HERC2: variants seen among roughly 807,000 people sequenced by gnomAD.
HERC2 encodes the protein E3 ubiquitin-protein ligase HERC2.
HERC2 carries 102 observed loss-of-function variants against 537.7 expected under a neutral mutation model. The ratio of observed to expected loss-of-function variants is 0.19; its 90% CI spans 0.16 to 0.22. The LOEUF is 0.22. HERC2 is among the 10% of genes least tolerant of loss of function. The probability of loss-of-function intolerance (pLI) is 1.00; values close to 1 mark genes in which losing one functional copy is unlikely to be tolerated. For missense variants in HERC2, 4,236 were observed against 6,198.2 expected, an observed-to-expected ratio of 0.68 and a Z score of 10.63; for synonymous variants, 2,224 against 2,466.2, an observed-to-expected ratio of 0.90 and a Z score of 2.91.
intron 20 of HERC2, among the ~76,000 whole-genome samples, chr15:28,252,256 T>C (rs7163496): frequency 0.22 from 33,852 of 151,788 alleles, 7,538 homozygotes; most frequent in African/African-American, 0.56. Context: ...TCAAACAGCA[T>C]AGTTGCAGGT....
In HERC2 at chr15:28,321,347, C is replaced by T. The variant is rs974979803; in HGVS notation, c.72+15G>A. ...AAGCAGAAACACACCAAGAAAAAGA[C>T]ATGTCAAACCCCACCTGTATATCTG... On this transcript the variant is annotated intron_variant, in intron 2 of 92. Coordinates refer to ENST00000261609, the MANE Select transcript of HERC2 (RefSeq NM_004667.6). 2.7e-6 allele frequency: 2 copies of T among 751,978 alleles called. No homozygotes were observed. Among genetic ancestry groups the T allele is most frequent in the East Asian group, 2.4e-5 (1 of 41,110 alleles). 46.6% of individuals were successfully genotyped at this position (751,978 alleles called of 1,614,324 possible).
At chr15:28,257,455 G>GC (rs60949565) in intron 16 of HERC2, among the ~76,000 whole-genome samples, 194 bp from the exon 17 acceptor site, 33,918 of 152,020 alleles carry the variant, frequency 0.22, 7,555 homozygotes, top group African/African-American at 0.56. Flanking sequence ...CATTTCACTA[G>GC]CCCATCTCAT....
rs1342849221 is a variant in HERC2, at chr15:28,113,225, C to A, written c.14078G>T (p.Gly4693Val). The change falls in exon 92 of 93, where the codon GGC becomes GTC. Residue 4693 changes from glycine to valine, a missense_variant. By Grantham distance (109) the Gly-to-Val change is moderately radical. Coordinates refer to ENST00000261609, the MANE Select transcript of HERC2 (RefSeq NM_004667.6). The surrounding 1 kb of genome is among the most constrained non-coding windows in gnomAD (Gnocchi z 7.0). Reference sequence around the variant, plus strand: ...GATCAGCGATGCGGAAGGCTCGATGCCTTTATAGGTGGCCACCGACTTGAG... The same window carrying A: ...GATCAGCGATGCGGAAGGCTCGATGACTTTATAGGTGGCCACCGACTTGAG... The part of the protein sequence containing the change: ...HLLKSVATYK[G>V]IEPSASLIQW... 3.7e-6 allele frequency: 6 copies of A among 1,614,174 alleles called. No homozygotes were observed. The Admixed American group carries it at 1.0e-4, about 27-fold the overall frequency.
At chr15:28,243,343 G>T (rs1301150095) in intron 23 of HERC2, among the ~76,000 whole-genome samples, 1 of 152,162 alleles carries the variant, frequency 6.6e-6, no homozygotes, top group East Asian at 1.9e-4. Context: ...GTAAGAAAAA[G>T]ATTTCTTAAG....
In HERC2 at chr15:28,238,608, T is replaced by C. The variant is rs1902708862; in HGVS notation, c.3742A>G (p.Ile1248Val). 6.2e-7 allele frequency: 1 copy of C among 1,610,164 alleles called. No individual in the cohort carries two copies. Among genetic ancestry groups the C allele is most frequent in the African/African-American group, 1.3e-5 (1 of 74,752 alleles). ...ATAACAAGTGTAATCTTACCAAGAA[T>C]ACTATTTCCTGTTAACGACTGTGTC... ...FQTQSLTGNS[I>V]LAQFAGEDPV... Residue 1248 changes from isoleucine (I) to valine (V), a missense_variant, in exon 24 of 93, where the codon ATT (isoleucine) becomes GTT (valine). Ile to Val is a conservative substitution (Grantham distance 29). Coordinates refer to ENST00000261609, the MANE Select transcript of HERC2 (RefSeq NM_004667.6).
intron 4 of HERC2, among the ~76,000 whole-genome samples, chr15:28,290,120 A>C (rs1635168): frequency 0.77 from 116,968 of 152,186 alleles, 48,653 homozygotes; most frequent in Non-Finnish European, 0.94. Flanking sequence ...TTACTAAATA[A>C]TCAGGTACGG....
intron 4 of HERC2, among the ~76,000 whole-genome samples, chr15:28,291,281 G>A (rs111390855): frequency 0.021 from 3,187 of 152,214 alleles, 102 homozygotes; most frequent in African/African-American, 0.073. Context: ...CTGGAGTGTA[G>A]AGGCACAATC....
At chr15:28,240,036 A>C (rs113889502) in intron 23 of HERC2, among the ~76,000 whole-genome samples, 35 of 147,048 alleles carry the variant, frequency 2.4e-4, no homozygotes, top group African/African-American at 8.6e-4. Context: ...CTTATAGACA[A>C]GATAATGATA....
intron 35 of HERC2, among the ~76,000 whole-genome samples, chr15:28,226,980 A>T (rs1354671332): frequency 6.6e-6 from 1 of 152,222 alleles, no homozygotes; most frequent in African/African-American, 2.4e-5. Flanking sequence ...ACCCTATTTA[A>T]AAAGGAGAAA....
At chr15:28,143,204 T>C (rs1207230867) in intron 74 of HERC2, among the ~76,000 whole-genome samples, 2 of 152,064 alleles carry the variant, frequency 1.3e-5, no homozygotes, top group Admixed American at 1.3e-4. Context: ...TCCAGAGAAA[T>C]AGCCCCTCTC....
intron 58 of HERC2, 25 bp downstream of exon 58, chr15:28,179,117 T>A (rs745846065): frequency 1.6e-5 from 25 of 1,601,576 alleles, no homozygotes; most frequent in South Asian, 7.9e-5. Context: ...AATTTAAAAA[T>A]TTTTTAAGAT....
intron 65 of HERC2, among the ~76,000 whole-genome samples, chr15:28,173,748 A>G (rs1156490792): frequency 6.7e-6 from 1 of 150,138 alleles, no homozygotes; most frequent in East Asian, 2.0e-4. Context: ...AGCTGCAGTG[A>G]GCCAAAATCG....
At position 28,186,620 on chromosome 15, in the gene HERC2, A is replaced by T. The variant is rs1456568380; in HGVS notation, c.8782T>A (p.Ser2928Thr). Residue 2928 changes from serine to threonine, a missense_variant, in exon 56 of 93, where the codon TCG (serine) becomes ACG (threonine). Coordinates refer to ENST00000261609, the MANE Select transcript of HERC2 (RefSeq NM_004667.6). ...EDLAAVPFLA[S>T]DNEEEEDEKG... ...TCATCCTCCTCCTCTTCATTATCCG[A>T]AGCTAAGAAAGGAACTGCAGCCAAA... 1.2e-6 allele frequency: 2 copies of T among 1,613,992 alleles called. No homozygotes were observed. The highest frequency in any genetic ancestry group is 2.7e-5 in the African/African-American group (2 of 74,934).
chr15:28,152,514 G>A (rs968917405), intron 70 of HERC2, among the ~76,000 whole-genome samples, 163 bp downstream of exon 70: 1 of 152,228 alleles, frequency 6.6e-6, no homozygotes, highest in African/African-American at 2.4e-5. Flanking sequence ...GATTTATTGT[G>A]CAAAAGTAGT....
At chr15:28,145,710 TAC>T (rs1479127898) in intron 71 of HERC2, among the ~76,000 whole-genome samples, 1 of 152,140 alleles carries the variant, frequency 6.6e-6, no homozygotes, top group African/African-American at 2.4e-5. Context: ...AAAAGGTGCA[TAC>T]ACACACCCCT....
intron 2 of HERC2, among the ~76,000 whole-genome samples, chr15:28,312,091 C>A (rs1230595303): frequency 6.6e-6 from 1 of 152,270 alleles, no homozygotes; most frequent in Non-Finnish European, 1.5e-5. Flanking sequence ...ACTGTGGAAG[C>A]CTCCTAGGAA....
intron 59 of HERC2, 42 bp downstream of exon 59, chr15:28,178,845 C>A: frequency 1.9e-6 from 3 of 1,580,628 alleles, no homozygotes; most frequent in Non-Finnish European, 2.6e-6. Context: ...GGAGCAGGAG[C>A]AAAGGCCGCC....
chr15:28,175,425 G>C, intron 64 of HERC2, 87 bp downstream of exon 64: 1 of 1,277,780 alleles, frequency 7.8e-7, no homozygotes. Flanking sequence ...CAACAGCTGT[G>C]ATTTCAACAG....
Position 28,196,426 on chromosome 15 carries a change from C to T in HERC2, c.8120+35G>A, listed in dbSNP as rs749798857. ...TTAATTCAACAGAAAACCATTCGTC[C>T]CAAAGCAAATCTAGCAACCATAAAA... On this transcript the variant is annotated intron_variant, in intron 51 of 92. Coordinates refer to ENST00000261609, the MANE Select transcript of HERC2 (RefSeq NM_004667.6). The T allele has an allele frequency of 5.1e-6, 8 of 1,581,774 alleles. No individual in the cohort carries two copies. The East Asian group carries it at 1.6e-4, about 31-fold the overall frequency.
Sources: gnomAD v4.1 joint callset for allele counts (sites outside exome capture counted in the v4.1 genomes callset) on GRCh38, gnomAD v4.1.1 for gene constraint, Gnocchi (gnomAD v3.1) non-coding constraint, MANE v1.5 for transcripts, NCBI Gene and HGNC (gene_info 2026-07-23, HGNC 2026-07-21) for gene names.